WWC1: variants seen among roughly 807,000 people sequenced by gnomAD.
The protein encoded by WWC1 is WW and C2 domain containing 1, also known as protein KIBRA.
Under a neutral mutation model 138.4 loss-of-function variants are expected in WWC1, and 55 were observed. The ratio of observed to expected loss-of-function variants is 0.40; its 90% CI spans 0.32 to 0.50. WWC1 has a LOEUF of 0.50. WWC1 is among the 20% of genes least tolerant of loss of function. The pLI is 0.72. For missense variants in WWC1, 1,226 were observed against 1,420.4 expected (o/e 0.86, Z 2.20); for synonymous variants, 524 against 564.9 (o/e 0.93, Z 1.03).
At chr5:168,367,314 G>T (rs936399556) in intron 1 of WWC1, among the ~76,000 whole-genome samples, 1 of 151,896 alleles carries the variant, frequency 6.6e-6, no homozygotes, top group African/African-American at 2.4e-5. Flanking sequence ...CTCACCCTTC[G>T]TCTTGTTATT....
intron 1 of WWC1, among the ~76,000 whole-genome samples, chr5:168,301,951 CATT>C (rs1561582967): frequency 6.6e-6 from 1 of 152,166 alleles, no homozygotes; most frequent in Non-Finnish European, 1.5e-5. Context: ...TGGCAGCACT[CATT>C]ATATGAATCA....
intron 11 of WWC1, among the ~76,000 whole-genome samples, chr5:168,427,655 C>T (rs1275282673): frequency 6.7e-6 from 1 of 149,014 alleles, no homozygotes; most frequent in Non-Finnish European, 1.5e-5. Context: ...AGTTCAGGCT[C>T]CCCGAATCCC....
chr5:168,428,923 A>T, intron 13 of WWC1, 136 bp downstream of exon 13: 1 of 797,766 alleles, frequency 1.3e-6, no homozygotes, highest in Non-Finnish European at 2.0e-6. Context: ...TGGCCATTGC[A>T]GCTTCTTAAC....
chr5:168,416,695 C>A (rs1780687389), intron 9 of WWC1, among the ~76,000 whole-genome samples: 1 of 152,164 alleles, frequency 6.6e-6, no homozygotes, highest in Non-Finnish European at 1.5e-5. Context: ...CAATACGCTT[C>A]TCACTTGCTG....
chr5:168,299,804 G>A (rs931488834), intron 1 of WWC1, among the ~76,000 whole-genome samples: 10 of 152,348 alleles, frequency 6.6e-5, no homozygotes, highest in Non-Finnish European at 1.0e-4. Context: ...GGTTCCCTCA[G>A]TGGCAGAAGC....
At chr5:168,403,087 C>CTTTCTTTT (rs1779504732) in intron 5 of WWC1, among the ~76,000 whole-genome samples, 2 of 92,168 alleles carry the variant, frequency 2.2e-5, no homozygotes, top group African/African-American at 4.9e-5. Context: ...TCTTTTCTTT[C>CTTTCTTTT]TTTTCTTTCT....
intron 1 of WWC1, among the ~76,000 whole-genome samples, chr5:168,341,279 T>C (rs897675237): frequency 6.6e-6 from 1 of 152,066 alleles, no homozygotes; most frequent in South Asian, 2.1e-4. Context: ...CTAAGATCTG[T>C]AGGACATGTA....
At position 168,292,382 on chromosome 5, in the gene WWC1, T is replaced by G; in HGVS notation, c.119+111T>G. ...GGGGCAGGGGAGCTCTGCGTGCCTCTTGAGCTCTCTTCAGTTCGCCACCCC... is the reference window on the plus strand; with the variant it reads ...GGGGCAGGGGAGCTCTGCGTGCCTCGTGAGCTCTCTTCAGTTCGCCACCCC... On this transcript the variant is annotated intron_variant, in intron 1 of 22. Coordinates refer to ENST00000265293, the MANE Select transcript of WWC1 (RefSeq NM_015238.3). The surrounding 1 kb of genome is among the most constrained non-coding windows in gnomAD (Gnocchi z 4.4). The G allele has an allele frequency of 7.8e-7, 1 of 1,288,970 alleles. No individual in the cohort carries two copies. The highest frequency in any genetic ancestry group is 1.1e-6 in the Non-Finnish European group (1 of 943,686). 79.8% of individuals were successfully genotyped at this position (1,288,970 alleles called of 1,614,324 possible).
At chr5:168,385,625 A>G (rs1476389858) in intron 3 of WWC1, among the ~76,000 whole-genome samples, 1 of 152,204 alleles carries the variant, frequency 6.6e-6, no homozygotes, top group Non-Finnish European at 1.5e-5. Context: ...ATTTGTAATC[A>G]TCTCAGAATG....
chr5:168,304,529 G>A (rs1280326709), intron 1 of WWC1, among the ~76,000 whole-genome samples: 1 of 152,186 alleles, frequency 6.6e-6, no homozygotes, highest in African/African-American at 2.4e-5. Context: ...TGGTTCTTCA[G>A]TGTGGCTCCA....
intron 1 of WWC1, among the ~76,000 whole-genome samples, chr5:168,369,494 C>G (rs1265868421): frequency 6.6e-6 from 1 of 152,170 alleles, no homozygotes; most frequent in African/African-American, 2.4e-5. Flanking sequence ...CCTCCAACTC[C>G]TGGGCTCAAG....
chr5:168,381,290 C>T (rs1208738414), intron 2 of WWC1, among the ~76,000 whole-genome samples: 1 of 152,030 alleles, frequency 6.6e-6, no homozygotes, highest in African/African-American at 2.4e-5. Context: ...GGTCTAAGGC[C>T]AAAGGGAAGG....
At chr5:168,312,244 G>T (rs1286237074) in intron 1 of WWC1, among the ~76,000 whole-genome samples, 1 of 150,906 alleles carries the variant, frequency 6.6e-6, no homozygotes, top group African/African-American at 2.4e-5. Context: ...CAATAACCAA[G>T]ATTTTATTGA....
intron 1 of WWC1, among the ~76,000 whole-genome samples, chr5:168,341,223 A>G (rs1466980490): frequency 6.6e-6 from 1 of 152,180 alleles, no homozygotes; most frequent in African/African-American, 2.4e-5. Flanking sequence ...TGTCATCATC[A>G]GAGTGGCCAG....
chr5:168,414,279 C>T, intron 8 of WWC1, 69 bp from the exon 9 acceptor site: 2 of 1,562,594 alleles, frequency 1.3e-6, no homozygotes, highest in Non-Finnish European at 1.7e-6. Context: ...ATGTCTGTTT[C>T]TTCATGGCAT....
intron 15 of WWC1, among the ~76,000 whole-genome samples, chr5:168,434,707 G>C (rs899775762): frequency 1.3e-5 from 2 of 152,194 alleles, no homozygotes; most frequent in African/African-American, 4.8e-5. Flanking sequence ...CCCAGACCCA[G>C]ATTACAGGTT....
chr5:168,410,635 C>T (rs148883091), intron 8 of WWC1, among the ~76,000 whole-genome samples: 1 of 152,326 alleles, frequency 6.6e-6, no homozygotes, highest in East Asian at 1.9e-4. Context: ...AACTCCTGGC[C>T]TTAATTGATC....
At chr5:168,350,494 G>A (rs1774859912) in intron 1 of WWC1, among the ~76,000 whole-genome samples, 1 of 152,198 alleles carries the variant, frequency 6.6e-6, no homozygotes, top group Admixed American at 6.5e-5. Context: ...TCACAGTCCA[G>A]GAGGCTATTT....
At position 168,385,421 on chromosome 5, in the gene WWC1, ACC is replaced by A; in HGVS notation, c.433+8_433+9del. 1 of 1,610,996 alleles carries A rather than the reference ACC, an allele frequency of 6.2e-7. No individual in the cohort carries two copies. The highest frequency in any genetic ancestry group is 8.5e-7 in the Non-Finnish European group (1 of 1,179,066). On this transcript the variant is annotated splice_region_variant and intron_variant, in intron 3 of 22. Coordinates refer to ENST00000265293, the MANE Select transcript of WWC1 (RefSeq NM_015238.3). ...CTGGGCTCCCAGGTCAGCTGTGAGT[ACC>A]TCCCACTACCACCACCCCCACCGAC...
Sources: allele counts gnomAD v4.1 joint callset (sites outside exome capture counted in the v4.1 genomes callset), GRCh38; gene constraint gnomAD v4.1.1; non-coding constraint Gnocchi (gnomAD v3.1); transcripts MANE v1.5; gene names NCBI Gene and HGNC (gene_info 2026-07-23, HGNC 2026-07-21).